Variants in PRKD1 observed in about 807,000 individuals in gnomAD.
PRKD1 encodes serine/threonine-protein kinase D1.
In PRKD1, 63 loss-of-function variants were observed where a neutral mutation model predicts 95.9. That is an observed-to-expected ratio of 0.66 (90% CI 0.54 to 0.81). The LOEUF (loss-of-function observed/expected upper bound fraction) is 0.81. Among genes scored for constraint, PRKD1 ranks in the 30% least tolerant of loss-of-function variants. PRKD1 has a pLI of 0.00. For synonymous variants in PRKD1, 425 were observed against 423.1 expected, an observed-to-expected ratio of 1.00 and a Z score of -0.05; for missense variants, 1,048 against 1,165.3, an observed-to-expected ratio of 0.90 and a Z score of 1.47.
At chr14:29,577,629 T>C (rs937878146) in intron 17 of PRKD1, among the ~76,000 whole-genome samples, 173 bp from the exon 18 acceptor site, 4 of 152,158 alleles carry the variant, frequency 2.6e-5, no homozygotes, top group South Asian at 2.1e-4. Context: ...GCCATCCTAT[T>C]TGTCTAACCT....
At chr14:29,871,529 T>A (rs1385557874) in intron 1 of PRKD1, among the ~76,000 whole-genome samples, 1 of 152,200 alleles carries the variant, frequency 6.6e-6, no homozygotes, top group Non-Finnish European at 1.5e-5. Flanking sequence ...AACAAGTGAC[T>A]TGCCCTCTCT....
chr14:29,635,115 A>T (rs1566502287), intron 7 of PRKD1, among the ~76,000 whole-genome samples: 1 of 152,078 alleles, frequency 6.6e-6, no homozygotes, highest in African/African-American at 2.4e-5. Context: ...TTTCAGGTAA[A>T]CCTGAGGTAG....
chr14:29,832,962 T>TA (rs1395434727), intron 1 of PRKD1, among the ~76,000 whole-genome samples: 3 of 152,080 alleles, frequency 2.0e-5, no homozygotes, highest in Admixed American at 2.0e-4. Flanking sequence ...CAGTTTTTTT[T>TA]ATTACCGAGG....
At chr14:29,826,860 T>TACATATATATATATACACAC (rs1891215568) in intron 1 of PRKD1, among the ~76,000 whole-genome samples, 3 of 98,904 alleles carry the variant, frequency 3.0e-5, no homozygotes, top group African/African-American at 1.2e-4. Context: ...TATATATATA[T>TACATATATATATATACACAC]ATATATATAT....
intron 1 of PRKD1, among the ~76,000 whole-genome samples, chr14:29,890,422 A>T (rs1161274535): frequency 1.3e-5 from 2 of 152,182 alleles, no homozygotes; most frequent in Non-Finnish European, 2.9e-5. Flanking sequence ...TCTATAAAAC[A>T]AATGTTCTGG....
chr14:29,760,102 G>A (rs1442554124), intron 1 of PRKD1, among the ~76,000 whole-genome samples: 1 of 152,082 alleles, frequency 6.6e-6, no homozygotes, highest in Non-Finnish European at 1.5e-5. Context: ...TTGTATGATG[G>A]CAGTTTTCAA....
chr14:29,790,883 A>G (rs149669882), intron 1 of PRKD1, among the ~76,000 whole-genome samples: 5 of 152,362 alleles, frequency 3.3e-5, no homozygotes, highest in South Asian at 2.1e-4. Context: ...TATGATAGTC[A>G]TAAGTGTTAC....
At chr14:29,639,697 G>A (rs1295713190) in intron 4 of PRKD1, among the ~76,000 whole-genome samples, 2 of 151,560 alleles carry the variant, frequency 1.3e-5, no homozygotes, top group East Asian at 3.9e-4. Flanking sequence ...CAGTTCCTTT[G>A]GATTACCTAA....
rs570216969 is a variant in PRKD1 at position 29,598,424 on chromosome 14, A to G, written c.2166+603T>C. ...AAGTGGGTAATATTGTATACAAGGC[A>G]GGAAAGCGTTATGCAAATCTGGGAA... is the stretch of plus-strand genomic sequence containing the variant. On this transcript the variant is annotated intron_variant, in intron 15 of 17. Transcript: ENST00000331968. Among the ~76,000 whole-genome samples the G allele has an allele frequency of 1.0e-3, 158 of 152,318 alleles. 1 individual carries two copies. Among genetic ancestry groups the G allele is most frequent in the Admixed American group, 2.2e-3 (34 of 15,282 alleles).
rs77563140 is a variant in PRKD1 at position 29,622,109 on chromosome 14, A to G, written c.1905+2043T>C. On this transcript the variant is annotated intron_variant, in intron 13 of 17. Transcript: ENST00000331968. Reference sequence around the variant, plus strand: ...GAGGGGGCGGGCATTTAATTCTCATAAGGAGTGCACAACCAGAAGATCCTT... The same window carrying G: ...GAGGGGGCGGGCATTTAATTCTCATGAGGAGTGCACAACCAGAAGATCCTT... 2.7e-3 allele frequency among the ~76,000 whole-genome samples: 407 copies of G among 152,212 alleles called. 15 individuals carry two copies. The East Asian group carries it at 0.069, about 26-fold the overall frequency.
At chr14:29,768,091 AC>A (rs1248405507) in intron 1 of PRKD1, among the ~76,000 whole-genome samples, 1 of 152,204 alleles carries the variant, frequency 6.6e-6, no homozygotes, top group Non-Finnish European at 1.5e-5. Context: ...CAAGGATGGA[AC>A]CTTGCTTGCA....
At chr14:29,674,640 C>T (rs1012702412) in intron 2 of PRKD1, among the ~76,000 whole-genome samples, 4 of 152,190 alleles carry the variant, frequency 2.6e-5, no homozygotes, top group African/African-American at 9.7e-5. Context: ...AAGGTCAAAT[C>T]TATTTTTCTT....
At chr14:29,866,940 C>G (rs1447410914) in intron 1 of PRKD1, among the ~76,000 whole-genome samples, 1 of 152,150 alleles carries the variant, frequency 6.6e-6, no homozygotes, top group Non-Finnish European at 1.5e-5. Context: ...GGTGGACACT[C>G]AAATCTAACA....
intron 1 of PRKD1, among the ~76,000 whole-genome samples, chr14:29,840,763 G>A (rs1039399554): frequency 2.0e-5 from 3 of 152,028 alleles, no homozygotes; most frequent in South Asian, 2.1e-4. Context: ...GAAACTCCCC[G>A]TTATAAAACC....
At chr14:29,659,125 T>C (rs1220086444) in intron 4 of PRKD1, among the ~76,000 whole-genome samples, 2 of 152,204 alleles carry the variant, frequency 1.3e-5, no homozygotes, top group South Asian at 2.1e-4. Context: ...ATATATAATA[T>C]TGCCAGCATC....
intron 1 of PRKD1, among the ~76,000 whole-genome samples, chr14:29,912,325 A>C (rs765547172): frequency 1.3e-5 from 2 of 152,200 alleles, no homozygotes; most frequent in African/African-American, 2.4e-5. Flanking sequence ...ACAATTATTT[A>C]ATTAAAGTAT....
intron 1 of PRKD1, among the ~76,000 whole-genome samples, chr14:29,921,407 T>A (rs900658262): frequency 1.2e-4 from 18 of 151,652 alleles, no homozygotes; most frequent in Non-Finnish European, 1.5e-5. Context: ...ATAATAAATA[T>A]AAATTTCTTT....
intron 14 of PRKD1, 88 bp from the exon 15 acceptor site, chr14:29,599,213 C>A: frequency 9.4e-7 from 1 of 1,061,358 alleles, no homozygotes; most frequent in Non-Finnish European, 1.4e-6. Flanking sequence ...AAAAAACTGA[C>A]AATGGACATT....
chr14:29,695,035 C>T (rs1490197034), intron 2 of PRKD1, among the ~76,000 whole-genome samples: 2 of 152,032 alleles, frequency 1.3e-5, no homozygotes, highest in Non-Finnish European at 2.9e-5. Context: ...GAGTTTAAGA[C>T]CAGACTGCCC....
Sources: gnomAD v4.1 joint callset for allele counts (sites outside exome capture counted in the v4.1 genomes callset) on GRCh38, gnomAD v4.1.1 for gene constraint, MANE v1.5 for transcripts, NCBI Gene and HGNC (gene_info 2026-07-23, HGNC 2026-07-21) for gene names.